Variants in EPB41 observed in about 807,000 individuals in gnomAD.
EPB41 encodes the protein erythrocyte membrane protein band 4.1, also known as protein 4.1.
EPB41 carries 65 observed loss-of-function variants against 108.0 expected under a neutral mutation model. That is an observed-to-expected ratio of 0.60 (90% CI 0.49 to 0.74). EPB41 has a LOEUF of 0.74. Ranked by LOEUF, EPB41 falls within the 30% of genes least tolerant of loss-of-function variation. The probability of loss-of-function intolerance (pLI) is 0.00; values close to 1 mark genes in which losing one functional copy is unlikely to be tolerated. For synonymous variants in EPB41, 336 were observed against 358.9 expected, an observed-to-expected ratio of 0.94 and a Z score of 0.72; for missense variants, 875 against 1,037.0, an observed-to-expected ratio of 0.84 and a Z score of 2.15.
intron 1 of EPB41, among the ~76,000 whole-genome samples, chr1:28,960,127 C>G (rs1276790389): frequency 3.3e-5 from 5 of 151,510 alleles, no homozygotes; most frequent in African/African-American, 1.2e-4. Flanking sequence ...CTCAGCCTCC[C>G]AGAAGCGGAG....
chr1:29,105,684 G>A (rs987763622), intron 17 of EPB41, among the ~76,000 whole-genome samples: 1 of 151,200 alleles, frequency 6.6e-6, no homozygotes, highest in Non-Finnish European at 1.5e-5. Flanking sequence ...ATGGACAGTT[G>A]GATGAATTTC....
chr1:28,934,676 G>GTGTGTGTGTGTGTGTGTA, intron 1 of EPB41, among the ~76,000 whole-genome samples: 1 of 150,434 alleles, frequency 6.6e-6, no homozygotes, highest in Non-Finnish European at 1.5e-5. Flanking sequence ...TTGTGTGTGT[G>GTGTGTGTGTGTGTGTGTA]TGTGTGTGTG....
At chr1:29,031,757 A>G (rs758591339) in intron 8 of EPB41, 2 of 152,166 alleles carry the variant, frequency 1.3e-5, no homozygotes, top group Non-Finnish European at 2.9e-5. Context: ...TGAATCCTTA[A>G]GGAAAGTCTC....
intron 16 of EPB41, chr1:29,068,635 A>G: frequency 1.4e-6 from 1 of 693,262 alleles, no homozygotes; most frequent in Non-Finnish European, 2.0e-6. Flanking sequence ...AACAATTGGG[A>G]TACTATTTCC....
chr1:28,901,682 C>T (rs1296536896), intron 1 of EPB41, among the ~76,000 whole-genome samples: 26 of 151,974 alleles, frequency 1.7e-4, no homozygotes, highest in Non-Finnish European at 8.8e-5. Context: ...TACAGGCACC[C>T]GCCACCACGC....
chr1:28,987,338 C>A, intron 1 of EPB41, 93 bp from the exon 2 acceptor site: 2 of 1,051,182 alleles, frequency 1.9e-6, no homozygotes, highest in Non-Finnish European at 2.9e-6. Context: ...CAATTAAATA[C>A]CTAAGTATAT....
chr1:28,949,751 A>G (rs929087356), intron 1 of EPB41, among the ~76,000 whole-genome samples: 2 of 151,638 alleles, frequency 1.3e-5, no homozygotes, highest in Non-Finnish European at 2.9e-5. Context: ...TTACAGGTGC[A>G]TGCCACCACA....
At chr1:29,084,096 A>G (rs1657828563) in intron 16 of EPB41, among the ~76,000 whole-genome samples, 1 of 152,206 alleles carries the variant, frequency 6.6e-6, no homozygotes, top group Non-Finnish European at 1.5e-5. Flanking sequence ...ACTGCAAAGC[A>G]TTTCTTACTG....
intron 15 of EPB41, among the ~76,000 whole-genome samples, chr1:29,062,670 A>G (rs985289866): frequency 2.0e-5 from 3 of 149,016 alleles, no homozygotes; most frequent in African/African-American, 7.4e-5. Context: ...TTTTTTAAGC[A>G]TCCCTCCTCC....
chr1:28,948,950 A>C (rs1482138494), intron 1 of EPB41, among the ~76,000 whole-genome samples: 1 of 152,144 alleles, frequency 6.6e-6, no homozygotes, highest in Non-Finnish European at 1.5e-5. Flanking sequence ...ACTCCATCTC[A>C]AAAAAAGAAT....
Position 29,119,391 on chromosome 1 carries a change from AC to A in EPB41, c.*2580del. On this transcript the variant is annotated 3_prime_UTR_variant, in exon 21 of 21. Transcript: ENST00000343067. The stretch of plus-strand genomic sequence containing the variant: ...CATTTCCAGGGTCAGAAACTTGGCA[AC>A]AGTTTTCCTAGAGTGACTCAGACAC... 6.6e-6 allele frequency: 1 copy of A among 152,534 alleles called. No individual in the cohort carries two copies. 9.4% of individuals were successfully genotyped at this position (152,534 alleles called of 1,614,324 possible). A position where few individuals can be genotyped will look rare whatever the true frequency, so the allele number is the denominator to read the frequency against.
At chr1:28,897,308 G>C (rs1557612953) in intron 1 of EPB41, among the ~76,000 whole-genome samples, 1 of 151,976 alleles carries the variant, frequency 6.6e-6, no homozygotes, top group Non-Finnish European at 1.5e-5. Flanking sequence ...CAACATTTTA[G>C]GAGGCTGAGG....
intron 1 of EPB41, among the ~76,000 whole-genome samples, chr1:28,984,527 G>T (rs2095829757): frequency 6.6e-6 from 1 of 152,220 alleles, no homozygotes; most frequent in South Asian, 2.1e-4. Flanking sequence ...TGCCTGATAA[G>T]AATTTGTTGA....
rs1292591129 is a variant in EPB41 at position 29,115,070 on chromosome 1, G to A, written c.2497-629G>A. ...TGAGTGAATCCTCTCAGACCCTCCA[G>A]GTATAATGATAGATAATAGATAGGT... On this transcript the variant is annotated intron_variant, in intron 19 of 20. Coordinates refer to ENST00000343067, the MANE Select transcript of EPB41 (RefSeq NM_001376013.1). This position sits in a 1 kb window ranked among gnomAD's most constrained non-coding sequence, Gnocchi z 4.4. 1.3e-5 allele frequency among the ~76,000 whole-genome samples: 2 copies of A among 152,022 alleles called. No individual in the cohort carries two copies. Among genetic ancestry groups the A allele is most frequent in the African/African-American group, 2.4e-5 (1 of 41,358 alleles).
chr1:29,059,612 C>CA (rs1558188686), intron 14 of EPB41, among the ~76,000 whole-genome samples: 1 of 151,638 alleles, frequency 6.6e-6, no homozygotes, highest in Non-Finnish European at 1.5e-5. Context: ...CCCATCTCTT[C>CA]AAAAAATAAA....
chr1:28,949,497 T>A lies in EPB41; in HGVS notation c.-8+34729T>A, dbSNP rs570180136. Among the ~76,000 whole-genome samples, 341 of 152,320 alleles carry A rather than the reference T, an allele frequency of 2.2e-3. 2 individuals are homozygous for A. The highest frequency in any genetic ancestry group is 4.3e-3 in the Non-Finnish European group (294 of 68,038). On this transcript the variant is annotated intron_variant, in intron 1 of 20. Coordinates refer to ENST00000343067, the MANE Select transcript of EPB41 (RefSeq NM_001376013.1). Reference sequence around the variant, plus strand: ...ATAGATATATATTACAACAGATAGATCTTTAAAAATATATTGTTTAGTTTT... The same window carrying A: ...ATAGATATATATTACAACAGATAGAACTTTAAAAATATATTGTTTAGTTTT...
intron 1 of EPB41, among the ~76,000 whole-genome samples, chr1:28,941,645 C>T (rs1366644482): frequency 6.6e-6 from 1 of 152,150 alleles, no homozygotes; most frequent in Admixed American, 6.5e-5. Context: ...CCAGTAATCC[C>T]AGCACTTTGG....
At chr1:28,963,528 G>A (rs977053218) in intron 1 of EPB41, among the ~76,000 whole-genome samples, 1 of 152,198 alleles carries the variant, frequency 6.6e-6, no homozygotes, top group Non-Finnish European at 1.5e-5. Context: ...CCTCTGATGA[G>A]CAGTAACTCA....
At chr1:28,992,716 T>C (rs2096058480) in intron 2 of EPB41, among the ~76,000 whole-genome samples, 1 of 152,152 alleles carries the variant, frequency 6.6e-6, no homozygotes, top group Admixed American at 6.5e-5. Flanking sequence ...AAAAATGTTA[T>C]CCTACTTATC....
Sources: gnomAD v4.1 joint callset for allele counts (sites outside exome capture counted in the v4.1 genomes callset) on GRCh38, gnomAD v4.1.1 for gene constraint, Gnocchi (gnomAD v3.1) non-coding constraint, MANE v1.5 for transcripts, NCBI Gene and HGNC (gene_info 2026-07-23, HGNC 2026-07-21) for gene names.